The following LRP1B variants were observed in gnomAD, a reference collection of about 807,000 sequenced individuals.
The protein encoded by LRP1B is low-density lipoprotein receptor-related protein 1B.
Under a neutral mutation model 556.6 loss-of-function variants are expected in LRP1B, and 217 were observed. The ratio of observed to expected loss-of-function variants is 0.39; its 90% CI spans 0.35 to 0.44. LRP1B has a LOEUF of 0.44. Ranked by LOEUF, LRP1B falls within the 20% of genes least tolerant of loss-of-function variation. The pLI is 1.00. For missense variants in LRP1B, 5,053 were observed against 5,620.8 expected (o/e 0.90, Z 3.23); for synonymous variants, 2,047 against 1,865.8 (o/e 1.10, Z -2.50).
intron 1 of LRP1B, among the ~76,000 whole-genome samples, chr2:141,983,965 G>T (rs1023154741): frequency 9.2e-5 from 14 of 152,130 alleles, no homozygotes; most frequent in Admixed American, 8.5e-4. Flanking sequence ...GGAAGCTGAG[G>T]CAGGAGAATC....
intron 20 of LRP1B, among the ~76,000 whole-genome samples, chr2:140,929,517 G>C (rs1403188322): frequency 6.6e-6 from 1 of 152,066 alleles, no homozygotes; most frequent in Non-Finnish European, 1.5e-5. Context: ...GATCTTGAAA[G>C]ATCTTGTGTG....
chr2:141,760,390 A>G (rs897481964), intron 2 of LRP1B, among the ~76,000 whole-genome samples: 3 of 152,218 alleles, frequency 2.0e-5, no homozygotes, highest in African/African-American at 7.2e-5. Flanking sequence ...AGATGTATTC[A>G]TAAGTTATTA....
chr2:141,380,038 A>C (rs1186124120), intron 3 of LRP1B, among the ~76,000 whole-genome samples: 1 of 152,132 alleles, frequency 6.6e-6, no homozygotes, highest in African/African-American at 2.4e-5. Flanking sequence ...AAAGAATTCA[A>C]CTACACTAAT....
intron 60 of LRP1B, among the ~76,000 whole-genome samples, chr2:140,465,720 C>CAAAAAAAAA (rs34468644): frequency 1.2e-5 from 1 of 80,330 alleles, no homozygotes; most frequent in African/African-American, 4.3e-5. Context: ...ATGACATTTG[C>CAAAAAAAAA]AAAAAAAAAA....
intron 3 of LRP1B, among the ~76,000 whole-genome samples, chr2:141,342,195 G>C (rs1265663245): frequency 6.8e-6 from 1 of 146,328 alleles, no homozygotes; most frequent in African/African-American, 2.5e-5. Flanking sequence ...AGTGAGCCGA[G>C]ATCGTGCCAC....
At chr2:142,112,556 G>T (rs1359769407) in intron 1 of LRP1B, among the ~76,000 whole-genome samples, 1 of 152,066 alleles carries the variant, frequency 6.6e-6, no homozygotes, top group Admixed American at 6.6e-5. Flanking sequence ...CATAAAATCA[G>T]AGGCATTTGT....
rs1418880499 is a variant in LRP1B at position 140,237,638 on chromosome 2, G to T, written c.13560+514C>A. Among the ~76,000 whole-genome samples the T allele has an allele frequency of 8.0e-5, 12 of 150,734 alleles. No homozygotes were observed. The Admixed American group carries it at 8.0e-4, about 10-fold the overall frequency. ...ATACTGGGAGGAAGTGGGTAGAAAA[G>T]AAAATGTCTCACCAAACTACTTTTC... On this transcript the variant is annotated intron_variant, in intron 89 of 90. Transcript: ENST00000389484.
chr2:141,860,941 G>T (rs1358340955), intron 1 of LRP1B, among the ~76,000 whole-genome samples: 1 of 152,114 alleles, frequency 6.6e-6, no homozygotes, highest in Admixed American at 6.6e-5. Flanking sequence ...CAAATTCTTT[G>T]CTTTTCTTTT....
chr2:140,826,265 T>A (rs2105064756), intron 31 of LRP1B, among the ~76,000 whole-genome samples: 1 of 152,228 alleles, frequency 6.6e-6, no homozygotes, highest in Admixed American at 6.5e-5. Context: ...GGGAAAAAAA[T>A]GATTCCCACC....
At chr2:141,602,169 A>G (rs1687770141) in intron 2 of LRP1B, among the ~76,000 whole-genome samples, 1 of 152,162 alleles carries the variant, frequency 6.6e-6, no homozygotes. Flanking sequence ...TTCATAAGGA[A>G]CCCTATTAGG....
chr2:140,722,658 G>C (rs1687453925), intron 35 of LRP1B, among the ~76,000 whole-genome samples: 2 of 152,158 alleles, frequency 1.3e-5, no homozygotes. Context: ...AATAAGCAAT[G>C]ACTTTAGAAT....
chr2:140,374,339 A>T (rs1160065316), intron 68 of LRP1B, among the ~76,000 whole-genome samples: 1 of 152,194 alleles, frequency 6.6e-6, no homozygotes, highest in African/African-American at 2.4e-5. Context: ...CAAGTAAAGC[A>T]CGTTGAACTA....
At chr2:141,046,207 T>C (rs980219276) in intron 11 of LRP1B, among the ~76,000 whole-genome samples, 1 of 152,174 alleles carries the variant, frequency 6.6e-6, no homozygotes, top group Non-Finnish European at 1.5e-5. Flanking sequence ...AAACTCTTTA[T>C]ACCCTTGTAC....
chr2:141,758,217 A>G (rs542379879), intron 2 of LRP1B, among the ~76,000 whole-genome samples: 2 of 152,280 alleles, frequency 1.3e-5, no homozygotes, highest in African/African-American at 4.8e-5. Flanking sequence ...TAAATTTGTA[A>G]CAACTTAATA....
intron 41 of LRP1B, among the ~76,000 whole-genome samples, chr2:140,650,677 T>G (rs1684653003): frequency 6.6e-6 from 1 of 152,140 alleles, no homozygotes; most frequent in Non-Finnish European, 1.5e-5. Flanking sequence ...AAGATTGGCC[T>G]GCTGAGGAAC....
chr2:141,450,224 C>T (rs2105020727), intron 3 of LRP1B, among the ~76,000 whole-genome samples: 1 of 152,254 alleles, frequency 6.6e-6, no homozygotes, highest in African/African-American at 2.4e-5. Flanking sequence ...TTTATTAGTT[C>T]TTGCCAAACA....
At chr2:141,978,029 A>T (rs533722171) in intron 1 of LRP1B, among the ~76,000 whole-genome samples, 8 of 152,288 alleles carry the variant, frequency 5.3e-5, no homozygotes, top group Admixed American at 3.9e-4. Context: ...ATATCATATG[A>T]ACAACTCGCA....
At chr2:141,789,783 T>G (rs1574361640) in intron 2 of LRP1B, among the ~76,000 whole-genome samples, 2 of 151,926 alleles carry the variant, frequency 1.3e-5, no homozygotes, top group South Asian at 2.1e-4. Context: ...AATTTTGCAA[T>G]GAGGTGGTCT....
intron 10 of LRP1B, 119 bp downstream of exon 10, chr2:141,054,997 C>T: frequency 9.3e-7 from 1 of 1,078,738 alleles, no homozygotes; most frequent in Non-Finnish European, 1.3e-6. Context: ...TATATATTTG[C>T]AGGCAAACTT....
Sources: allele counts gnomAD v4.1 joint callset (sites outside exome capture counted in the v4.1 genomes callset), GRCh38; gene constraint gnomAD v4.1.1; transcripts MANE v1.5; gene names NCBI Gene and HGNC (gene_info 2026-07-23, HGNC 2026-07-21).